Variants in TSNAX observed in about 807,000 individuals in gnomAD.
TSNAX encodes translin-associated protein X.
Under a neutral mutation model 33.0 loss-of-function variants are expected in TSNAX, and 12 were observed. The observed-to-expected ratio is 0.36, with a 90% CI of 0.23 to 0.59. The LOEUF is 0.59. TSNAX is among the 20% of genes least tolerant of loss of function. TSNAX has a pLI of 0.74. For synonymous variants in TSNAX, 110 were observed against 117.2 expected (o/e 0.94, Z 0.40); for missense variants, 267 against 341.3 (o/e 0.78, Z 1.72).
At chr1:231,540,967 CCTT>C (rs1659537063) in intron 3 of TSNAX, among the ~76,000 whole-genome samples, 1 of 152,066 alleles carries the variant, frequency 6.6e-6, no homozygotes, top group African/African-American at 2.4e-5. Context: ...ATCTTTTCAT[CCTT>C]TTATTTTTAA....
chr1:231,529,134 G>T, intron 1 of TSNAX, 121 bp from the exon 2 acceptor site: 1 of 971,358 alleles, frequency 1.0e-6, no homozygotes, highest in Non-Finnish European at 1.5e-6. Context: ...TGCGGAGAAA[G>T]CCTCTAAGGC....
intron 4 of TSNAX, among the ~76,000 whole-genome samples, chr1:231,545,614 G>A (rs1659853729): frequency 6.6e-6 from 1 of 151,794 alleles, no homozygotes; most frequent in Admixed American, 6.6e-5. Context: ...TTTCAAAGAA[G>A]AAATACATGT....
At chr1:231,533,985 C>T (rs1658973058) in intron 2 of TSNAX, 1 of 152,134 alleles carries the variant, frequency 6.6e-6, no homozygotes, top group South Asian at 2.1e-4. Flanking sequence ...AGCTTTTTTT[C>T]TCTCTAGTCC....
chr1:231,549,496 A>G (rs1660163971), intron 4 of TSNAX, among the ~76,000 whole-genome samples: 1 of 152,202 alleles, frequency 6.6e-6, no homozygotes. Flanking sequence ...GGAATATTTA[A>G]TAGTTGCTGT....
At chr1:231,559,664 A>G (rs935908548) in intron 4 of TSNAX, among the ~76,000 whole-genome samples, 1 of 152,158 alleles carries the variant, frequency 6.6e-6, no homozygotes, top group African/African-American at 2.4e-5. Flanking sequence ...GGAAAAGTAT[A>G]GTACTGTAGA....
chr1:231,539,089 C>A (rs1295812486), intron 3 of TSNAX, among the ~76,000 whole-genome samples: 1 of 152,034 alleles, frequency 6.6e-6, no homozygotes, highest in Non-Finnish European at 1.5e-5. Flanking sequence ...CTTTTTCTTA[C>A]CTGACTGTGT....
In TSNAX at chr1:231,564,911, A is replaced by G. The variant is rs901458461; in HGVS notation, c.*6A>G. ...AAGAAGAGGGCATTTCTTAGAATCT[A>G]ACGTTACTCAGTTACTAATTCTTTT... On this transcript the variant is annotated 3_prime_UTR_variant, in exon 6 of 6. Transcript: ENST00000366639. 5.0e-6 allele frequency: 8 copies of G among 1,608,692 alleles called. No homozygotes were observed. The African/African-American group carries it at 5.4e-5, about 11-fold the overall frequency.
chr1:231,541,202 C>G (rs1659552071), intron 3 of TSNAX, among the ~76,000 whole-genome samples: 1 of 152,024 alleles, frequency 6.6e-6, no homozygotes, highest in African/African-American at 2.4e-5. Flanking sequence ...GGCTTATTAG[C>G]TATGCCTTTT....
At chr1:231,561,373 G>C in intron 5 of TSNAX, 118 bp downstream of exon 5, 1 of 834,916 alleles carries the variant, frequency 1.2e-6, no homozygotes, top group Non-Finnish European at 1.8e-6. Flanking sequence ...CTAAAGTATG[G>C]TTTTGTAGAG....
intron 4 of TSNAX, among the ~76,000 whole-genome samples, chr1:231,545,427 A>T (rs1052521037): frequency 1.3e-5 from 2 of 152,216 alleles, no homozygotes; most frequent in Non-Finnish European, 2.9e-5. Flanking sequence ...ACAAAACGTC[A>T]GGTCTGTTTT....
At chr1:231,554,903 A>G (rs1373670487) in intron 4 of TSNAX, among the ~76,000 whole-genome samples, 2 of 152,208 alleles carry the variant, frequency 1.3e-5, no homozygotes, top group Non-Finnish European at 2.9e-5. Context: ...CTATGCCTCA[A>G]TTTGTTCATT....
intron 4 of TSNAX, among the ~76,000 whole-genome samples, 200 bp from the exon 5 acceptor site, chr1:231,560,928 G>A (rs1661071198): frequency 6.6e-6 from 1 of 152,110 alleles, no homozygotes; most frequent in African/African-American, 2.4e-5. Flanking sequence ...TTAAAGTGCT[G>A]GGATTACAGG....
intron 2 of TSNAX, among the ~76,000 whole-genome samples, chr1:231,532,161 C>CACACACACACACACACACACACACAT (rs1658785154): frequency 1.1e-5 from 1 of 91,912 alleles, no homozygotes; most frequent in African/African-American, 3.7e-5. Flanking sequence ...CACACACACA[C>CACACACACACACACACACACACACAT]ACACACACAC....
chr1:231,563,204 A>G (rs1043895064), intron 5 of TSNAX, among the ~76,000 whole-genome samples: 2 of 152,194 alleles, frequency 1.3e-5, no homozygotes, highest in African/African-American at 4.8e-5. Context: ...ACTACCTAAA[A>G]TGTCCTTTGA....
intron 3 of TSNAX, among the ~76,000 whole-genome samples, chr1:231,539,259 A>G (rs1228255727): frequency 1.3e-5 from 2 of 152,186 alleles, no homozygotes; most frequent in Non-Finnish European, 2.9e-5. Flanking sequence ...ATTCAGCAGT[A>G]ATATAAATAA....
At chr1:231,560,128 C>T (rs934241183) in intron 4 of TSNAX, among the ~76,000 whole-genome samples, 2 of 150,254 alleles carry the variant, frequency 1.3e-5, no homozygotes, top group Non-Finnish European at 1.5e-5. Flanking sequence ...TACAGGCGCC[C>T]GCCACCACGC....
At chr1:231,555,109 A>T (rs1383653784) in intron 4 of TSNAX, among the ~76,000 whole-genome samples, 1 of 152,236 alleles carries the variant, frequency 6.6e-6, no homozygotes, top group Non-Finnish European at 1.5e-5. Flanking sequence ...ATGAATAGTC[A>T]TGTTTACAGC....
intron 4 of TSNAX, among the ~76,000 whole-genome samples, chr1:231,546,802 C>T (rs1275170356): frequency 6.6e-6 from 1 of 152,288 alleles, no homozygotes; most frequent in East Asian, 1.9e-4. Context: ...CTCTCTGGGG[C>T]TCTGCTGTTA....
At position 231,561,135 on chromosome 1, in the gene TSNAX, G is replaced by A. The variant is rs763917786; in HGVS notation, c.375G>A (p.Gln125=). The A allele has an allele frequency of 1.9e-6, 3 of 1,609,708 alleles. No individual in the cohort carries two copies. Among genetic ancestry groups the A allele is most frequent in the Non-Finnish European group, 2.5e-6 (3 of 1,178,950 alleles). The change falls in exon 5 of 6, where the codon CAG becomes CAA. Residue 125 remains glutamine (Q), a synonymous_variant. Transcript: ENST00000366639. ...TCTTTGTCACGCTTTCAGGACTACAGGAATATGTGGAAGCTGTCTCTTTTC... is the reference window on the plus strand; with the variant it reads ...TCTTTGTCACGCTTTCAGGACTACAAGAATATGTGGAAGCTGTCTCTTTTC... The part of the protein sequence containing the change: ...QFHRAITTGL[Q]EYVEAVSFQH...
Sources: gnomAD v4.1 joint callset for allele counts (sites outside exome capture counted in the v4.1 genomes callset) on GRCh38, gnomAD v4.1.1 for gene constraint, MANE v1.5 for transcripts, NCBI Gene and HGNC (gene_info 2026-07-23, HGNC 2026-07-21) for gene names.